Variants in EVL observed in about 807,000 individuals in gnomAD.
EVL encodes ena/VASP-like protein.
Under a neutral mutation model 59.6 loss-of-function variants are expected in EVL, and 21 were observed. The ratio of observed to expected loss-of-function variants is 0.35; its 90% CI spans 0.25 to 0.51. The LOEUF is 0.51. EVL is among the 20% of genes least tolerant of loss of function. EVL has a pLI of 0.97. For synonymous variants in EVL, 198 were observed against 203.5 expected (o/e 0.97, Z 0.23); for missense variants, 462 against 546.6 (o/e 0.85, Z 1.54).
chr14:100,060,322 G>A (rs1053871433), intron 1 of EVL, among the ~76,000 whole-genome samples: 3 of 151,384 alleles, frequency 2.0e-5, no homozygotes, highest in Admixed American at 6.6e-5. Flanking sequence ...TCCCAGCTAC[G>A]CGGGAGGCTG....
At chr14:100,091,471 T>C (rs1488647933) in intron 2 of EVL, among the ~76,000 whole-genome samples, 4 of 152,096 alleles carry the variant, frequency 2.6e-5, no homozygotes, top group Admixed American at 2.6e-4. Context: ...TCCAGTAAAG[T>C]CTCCATAAAA....
At position 100,072,412 on chromosome 14, in the gene EVL, T is replaced by A. The variant is rs146830348; in HGVS notation, c.11+6901T>A. On this transcript the variant is annotated intron_variant, in intron 1 of 13. Coordinates refer to ENST00000392920, the MANE Select transcript of EVL (RefSeq NM_016337.3). Reference sequence around the variant, plus strand: ...ACTACACCTGGCTAATTTTTGTATTTTTAGTAGAGATGGGGTTTCACTATG... The same window carrying A: ...ACTACACCTGGCTAATTTTTGTATTATTAGTAGAGATGGGGTTTCACTATG... 9.5e-3 allele frequency among the ~76,000 whole-genome samples: 1,444 copies of A among 152,280 alleles called. 18 individuals are homozygous for A. The highest frequency in any genetic ancestry group is 0.033 in the African/African-American group (1,356 of 41,554).
intron 3 of EVL, chr14:100,107,266 G>C (rs1425345040): frequency 5.0e-6 from 2 of 398,582 alleles, no homozygotes; most frequent in Non-Finnish European, 8.8e-6. Flanking sequence ...GGTGGCACTT[G>C]AGGCAAGACC....
intron 1 of EVL, among the ~76,000 whole-genome samples, chr14:99,977,699 G>T (rs570593781): frequency 6.6e-6 from 1 of 152,010 alleles, no homozygotes; most frequent in Non-Finnish European, 1.5e-5. Flanking sequence ...CCCCCAAAGT[G>T]CTGGGATTAT....
At chr14:100,083,140 TA>T (rs1200074823) in intron 1 of EVL, among the ~76,000 whole-genome samples, 1 of 152,214 alleles carries the variant, frequency 6.6e-6, no homozygotes, top group Non-Finnish European at 1.5e-5. Context: ...TCTGATTTAA[TA>T]AAACCCATGT....
chr14:99,979,561 TA>T (rs1355488166), intron 1 of EVL, among the ~76,000 whole-genome samples: 13 of 152,228 alleles, frequency 8.5e-5, no homozygotes, highest in Admixed American at 3.3e-4. Flanking sequence ...TGGATGGAAA[TA>T]TTTTTTTTAA....
chr14:100,119,844 C>T (rs1887584328), intron 3 of EVL, among the ~76,000 whole-genome samples: 1 of 152,150 alleles, frequency 6.6e-6, no homozygotes, highest in Admixed American at 6.5e-5. Context: ...TAGGCCAGGT[C>T]CTCTCGTGCC....
chr14:100,060,606 C>T (rs945507050), upstream of EVL, among the ~76,000 whole-genome samples: 1 of 152,038 alleles, frequency 6.6e-6, no homozygotes, highest in African/African-American at 2.4e-5. Context: ...AAAGAATTAC[C>T]AGTGCCTTGT....
At chr14:100,135,589 A>G (rs1888728824) in intron 8 of EVL, 2 of 328,186 alleles carry the variant, frequency 6.1e-6, no homozygotes, top group African/African-American at 2.1e-5. Context: ...GTGAGATGAC[A>G]TACGGGAGGC....
intron 1 of EVL, among the ~76,000 whole-genome samples, chr14:100,006,021 C>A (rs964213040): frequency 6.6e-6 from 1 of 150,716 alleles, no homozygotes; most frequent in Non-Finnish European, 1.5e-5. Flanking sequence ...CCCCCCCCCC[C>A]CCACACCGAC....
chr14:100,081,493 A>T (rs1409882817), intron 1 of EVL, among the ~76,000 whole-genome samples: 1 of 145,412 alleles, frequency 6.9e-6, no homozygotes, highest in African/African-American at 2.6e-5. Context: ...TTTAATTTGA[A>T]CCTAAAGTAT....
intron 3 of EVL, among the ~76,000 whole-genome samples, chr14:100,120,460 G>A (rs894185046): frequency 6.6e-6 from 1 of 152,242 alleles, no homozygotes. Flanking sequence ...GGGTGAGAAA[G>A]CTGTCAGTTT....
intron 1 of EVL, among the ~76,000 whole-genome samples, chr14:99,997,603 A>G (rs2060922126): frequency 6.6e-6 from 1 of 152,226 alleles, no homozygotes. Context: ...CAGTGTTTTG[A>G]GGAATGGGTG....
At chr14:100,103,959 C>T (rs568815533) in intron 3 of EVL, among the ~76,000 whole-genome samples, 2 of 152,232 alleles carry the variant, frequency 1.3e-5, no homozygotes, top group South Asian at 2.1e-4. Flanking sequence ...CAGGAGGGTG[C>T]GTGTGAGCGT....
chr14:100,001,853 C>G (rs1370239206), intron 1 of EVL, among the ~76,000 whole-genome samples: 2 of 152,188 alleles, frequency 1.3e-5, no homozygotes, highest in Non-Finnish European at 2.9e-5. Context: ...GGAAAGCATA[C>G]CATTCTAGTC....
At chr14:100,017,959 C>T (rs2061064663) in intron 1 of EVL, among the ~76,000 whole-genome samples, 1 of 152,220 alleles carries the variant, frequency 6.6e-6, no homozygotes, top group African/African-American at 2.4e-5. Context: ...ACATTTGTCC[C>T]AGAGCACCTT....
chr14:100,137,929 G>C, intron 11 of EVL, 127 bp downstream of exon 11: 2 of 970,590 alleles, frequency 2.1e-6, no homozygotes, highest in Non-Finnish European at 3.2e-6. Flanking sequence ...TGCGAAGGTG[G>C]TCTGTTCTTT....
At chr14:100,089,216 A>G (rs541282917) in intron 2 of EVL, among the ~76,000 whole-genome samples, 2 of 152,256 alleles carry the variant, frequency 1.3e-5, no homozygotes, top group Non-Finnish European at 2.9e-5. Flanking sequence ...CCTCCAAGCT[A>G]CTAATTGAAT....
chr14:100,077,961 G>C (rs2062201836), intron 1 of EVL, among the ~76,000 whole-genome samples: 1 of 151,990 alleles, frequency 6.6e-6, no homozygotes, highest in African/African-American at 2.4e-5. Flanking sequence ...ATTTTTAGTA[G>C]AGATGGGGTT....
Sources: gnomAD v4.1 joint callset for allele counts (sites outside exome capture counted in the v4.1 genomes callset) on GRCh38, gnomAD v4.1.1 for gene constraint, MANE v1.5 for transcripts, NCBI Gene and HGNC (gene_info 2026-07-23, HGNC 2026-07-21) for gene names.